RHOBTB3: variants seen among roughly 807,000 people sequenced by gnomAD.
RHOBTB3 encodes the protein Rho related BTB domain containing 3.
A neutral mutation model predicts 67.2 loss-of-function variants in RHOBTB3; 47 were observed. The ratio of observed to expected loss-of-function variants is 0.70; its 90% CI spans 0.55 to 0.89. The LOEUF (loss-of-function observed/expected upper bound fraction) is 0.89. Among genes scored for constraint, RHOBTB3 ranks in the 40% least tolerant of loss-of-function variants. The pLI is 0.00. For synonymous variants in RHOBTB3, 273 were observed against 274.2 expected, an observed-to-expected ratio of 1.00 and a Z score of 0.04; for missense variants, 631 against 750.0, an observed-to-expected ratio of 0.84 and a Z score of 1.85.
rs759852028 is a variant in RHOBTB3 at position 95,755,747 on chromosome 5, G to C, written c.1034G>C (p.Arg345Pro). 22 of 1,613,184 alleles carry C rather than the reference G, an allele frequency of 1.4e-5. No individual in the cohort carries two copies. Among genetic ancestry groups the C allele is most frequent in the Middle Eastern group, 1.6e-4 (1 of 6,084 alleles). Residue 345 changes from arginine (R) to proline (P), a missense_variant, in exon 6 of 12, where the codon CGC becomes CCC. Coordinates refer to ENST00000379982, the MANE Select transcript of RHOBTB3 (RefSeq NM_014899.4). ...TGTTCTTGTTTATCAGACATCCTTC[G>C]CTTCATTTATTCAGGTATCTTGTCA... ...LFCSCLSDIL[R>P]FIYSGAFQWE...
chr5:95,766,322 G>A (rs1745541367), intron 7 of RHOBTB3, among the ~76,000 whole-genome samples: 1 of 151,822 alleles, frequency 6.6e-6, no homozygotes, highest in Non-Finnish European at 1.5e-5. Context: ...TAGGCAAGCA[G>A]AGGATTAGCA....
intron 10 of RHOBTB3, 71 bp downstream of exon 10, chr5:95,784,034 T>G: frequency 7.9e-7 from 1 of 1,260,634 alleles, no homozygotes; most frequent in Non-Finnish European, 1.1e-6. Context: ...ATTTTAAAAT[T>G]TATCATTTTT....
upstream of RHOBTB3, among the ~76,000 whole-genome samples, chr5:95,729,072 AC>A (rs75982770): frequency 4.1e-4 from 62 of 152,082 alleles, 1 homozygote; most frequent in East Asian, 0.011. Flanking sequence ...TGAATAATCC[AC>A]CCCTTGTTTA....
intron 3 of RHOBTB3, among the ~76,000 whole-genome samples, chr5:95,747,628 T>G (rs1744959733): frequency 6.6e-6 from 1 of 152,240 alleles, no homozygotes. Flanking sequence ...TAGCCATAGA[T>G]GTATACATGG....
chr5:95,749,241 C>A (rs1165922815), intron 4 of RHOBTB3, among the ~76,000 whole-genome samples: 1 of 152,208 alleles, frequency 6.6e-6, no homozygotes, highest in South Asian at 2.1e-4. Flanking sequence ...GCAAAGAAAA[C>A]CTACTTTAAG....
At position 95,732,069 on chromosome 5, in the gene RHOBTB3, C is replaced by T. The variant is rs752684054; in HGVS notation, c.213C>T (p.His71=). 10 of 1,614,110 alleles carry T rather than the reference C, an allele frequency of 6.2e-6. No individual in the cohort carries two copies. Among genetic ancestry groups the T allele is most frequent in the South Asian group, 1.1e-5 (1 of 91,080 alleles). Residue 71 remains histidine, a synonymous_variant, in exon 2 of 12, where the codon CAC becomes CAT. Coordinates refer to ENST00000379982, the MANE Select transcript of RHOBTB3 (RefSeq NM_014899.4). ...TTGGGAATGTCAAGCTGGTGGTCCA[C>T]GACTGTCCCGTCTGGGTAAGGAAGA... The part of the protein sequence containing the change: ...SAFGNVKLVV[H]DCPVWDIFDS...
chr5:95,731,580 C>T lies in RHOBTB3; in HGVS notation c.-103C>T, dbSNP rs1315274671. 6.5e-7 allele frequency: 1 copy of T among 1,543,536 alleles called. No homozygotes were observed. The highest frequency in any genetic ancestry group is 1.2e-5 in the South Asian group (1 of 83,368). The stretch of plus-strand genomic sequence containing the variant: ...TGGAGGCGCGCGAGGGGGACGCGGC[C>T]GGGGATGAGCGGATTGCGGGTGAAC... On this transcript the variant is annotated 5_prime_UTR_variant, in exon 1 of 12. Coordinates refer to ENST00000379982, the MANE Select transcript of RHOBTB3 (RefSeq NM_014899.4).
intron 2 of RHOBTB3, 139 bp downstream of exon 2, chr5:95,732,223 A>G: frequency 1.3e-6 from 1 of 772,944 alleles, no homozygotes; most frequent in Non-Finnish European, 2.2e-6. Flanking sequence ...TTTTGAGAAA[A>G]TCTTTGGTCC....
At chr5:95,751,767 C>A (rs1326759773) in intron 4 of RHOBTB3, among the ~76,000 whole-genome samples, 1 of 152,168 alleles carries the variant, frequency 6.6e-6, no homozygotes, top group Non-Finnish European at 1.5e-5. Context: ...TTAGCTCCCA[C>A]TTATAAGTGA....
At chr5:95,776,764 T>A (rs1335232957) in intron 8 of RHOBTB3, among the ~76,000 whole-genome samples, 1 of 152,216 alleles carries the variant, frequency 6.6e-6, no homozygotes, top group Non-Finnish European at 1.5e-5. Context: ...GTTTTTTGCC[T>A]ATAAAATAGG....
rs777333312 is a variant in RHOBTB3 at position 95,771,882 on chromosome 5, A to T, written c.1282+3716A>T. On this transcript the variant is annotated intron_variant, in intron 8 of 11. Transcript: ENST00000379982. ...TCTAAGAAGCTTCTCATTTCAACAG[A>T]AAAGACTACATCCATTGTTAAGAAG... 1.7e-4 allele frequency among the ~76,000 whole-genome samples: 26 copies of T among 152,268 alleles called. 1 individual carries two copies. The highest frequency in any genetic ancestry group is 3.1e-4 in the Non-Finnish European group (21 of 68,048).
chr5:95,734,916 T>G (rs1440146532), intron 2 of RHOBTB3, among the ~76,000 whole-genome samples: 1 of 152,230 alleles, frequency 6.6e-6, no homozygotes, highest in African/African-American at 2.4e-5. Context: ...CCAGTAACTC[T>G]GGAATTTTGA....
intron 8 of RHOBTB3, among the ~76,000 whole-genome samples, chr5:95,778,531 A>G (rs1029837598): frequency 1.3e-5 from 2 of 152,034 alleles, no homozygotes; most frequent in African/African-American, 4.8e-5. Flanking sequence ...TAACCACATT[A>G]TCAACAATTT....
At chr5:95,726,843 C>T (rs989142131), upstream of RHOBTB3, among the ~76,000 whole-genome samples, 1 of 152,232 alleles carries the variant, frequency 6.6e-6, no homozygotes, top group Non-Finnish European at 1.5e-5. Flanking sequence ...CTGCCCCTCA[C>T]TGTGTATCCT....
upstream of RHOBTB3, among the ~76,000 whole-genome samples, chr5:95,726,460 G>A (rs1434483171): frequency 6.6e-6 from 1 of 152,124 alleles, no homozygotes; most frequent in East Asian, 1.9e-4. Context: ...TTTTTAAGTT[G>A]CTAGCTAATT....
chr5:95,777,467 T>A (rs562281310), intron 8 of RHOBTB3, among the ~76,000 whole-genome samples: 2 of 152,324 alleles, frequency 1.3e-5, no homozygotes, highest in African/African-American at 2.4e-5. Context: ...AATTGTAACA[T>A]CAAATGAATA....
chr5:95,731,486 C>G lies in RHOBTB3; in HGVS notation c.-197C>G. 8.1e-7 allele frequency: 1 copy of G among 1,233,944 alleles called. No homozygotes were observed. Among genetic ancestry groups the G allele is most frequent in the Non-Finnish European group, 1.0e-6 (1 of 991,922 alleles). The allele number at this position is 1,233,944 out of a possible 1,614,324, so 76.4% of individuals were successfully genotyped here. A position where few individuals can be genotyped will look rare whatever the true frequency, so the allele number is the denominator to read the frequency against. On this transcript the variant is annotated 5_prime_UTR_variant, in exon 1 of 12. Transcript: ENST00000379982. The stretch of plus-strand genomic sequence containing the variant: ...GCAGCTTATCCCCCGCCCGCTAGCC[C>G]GCCCTGGTCCCCGGCTCGCTCGCTG...
At chr5:95,767,636 A>T in intron 7 of RHOBTB3, 1 of 547,230 alleles carries the variant, frequency 1.8e-6, no homozygotes, top group Non-Finnish European at 3.3e-6. Context: ...TGGCCAAAAA[A>T]TGTATTTTTC....
intron 8 of RHOBTB3, among the ~76,000 whole-genome samples, chr5:95,776,785 C>G (rs959300327): frequency 6.6e-6 from 1 of 152,120 alleles, no homozygotes; most frequent in Non-Finnish European, 1.5e-5. Context: ...GATACTAATT[C>G]CGACTTTGTG....
Sources: gnomAD v4.1 joint callset for allele counts (sites outside exome capture counted in the v4.1 genomes callset) on GRCh38, gnomAD v4.1.1 for gene constraint, MANE v1.5 for transcripts, NCBI Gene and HGNC (gene_info 2026-07-23, HGNC 2026-07-21) for gene names.